Variants in NDUFA10 observed in about 807,000 individuals in gnomAD.
NDUFA10 encodes the protein NADH dehydrogenase [ubiquinone] 1 alpha subcomplex subunit 10, mitochondrial.
A neutral mutation model predicts 47.8 loss-of-function variants in NDUFA10; 40 were observed. The ratio of observed to expected loss-of-function variants is 0.84; its 90% CI spans 0.65 to 1.09. The LOEUF (loss-of-function observed/expected upper bound fraction) is 1.09. NDUFA10 is among the 50% of genes least tolerant of loss of function. The pLI, the probability that NDUFA10 is intolerant of heterozygous loss-of-function variation, is 0.00. For synonymous variants in NDUFA10, 183 were observed against 172.2 expected (o/e 1.06, Z -0.49); for missense variants, 413 against 451.1 (o/e 0.92, Z 0.76).
chr2:239,948,623 C>T (rs1002128743), intron 4 of NDUFA10, among the ~76,000 whole-genome samples: 5 of 152,216 alleles, frequency 3.3e-5, no homozygotes, highest in Non-Finnish European at 5.9e-5. Context: ...CGGTGGGACC[C>T]GGATCCTGAC....
chr2:239,900,191 G>A (rs927023957), intron 4 of NDUFA10, among the ~76,000 whole-genome samples: 2 of 152,070 alleles, frequency 1.3e-5, no homozygotes, highest in Non-Finnish European at 2.9e-5. Flanking sequence ...ACTGAAGGCT[G>A]TACTGTTGGC....
At chr2:239,893,974 TC>T (rs1434026322) in intron 5 of NDUFA10, among the ~76,000 whole-genome samples, 1 of 146,312 alleles carries the variant, frequency 6.8e-6, no homozygotes, top group Non-Finnish European at 1.5e-5. Context: ...CCAGCCTCAT[TC>T]CTTCTCCCTG....
intron 4 of NDUFA10, among the ~76,000 whole-genome samples, chr2:239,921,794 A>T (rs1480545490): frequency 2.0e-5 from 3 of 152,078 alleles, no homozygotes; most frequent in African/African-American, 7.2e-5. Flanking sequence ...GCCTCACGGA[A>T]CCAGGCTCAG....
intron 4 of NDUFA10, among the ~76,000 whole-genome samples, chr2:239,935,533 C>T (rs529252370): frequency 7.2e-5 from 11 of 152,232 alleles, no homozygotes; most frequent in African/African-American, 1.9e-4. Context: ...GAGTTGAGGA[C>T]GGGGACTCCC....
Position 239,928,291 on chromosome 2 carries a change from T to C in NDUFA10, c.295-32977A>G, listed in dbSNP as rs974316268. ...AAAATGTATACCTCAACTGCTTTCA[T>C]GTTTTCCAAGAAATAAAGGAGCACA... is the stretch of plus-strand genomic sequence containing the variant. On this transcript the variant is annotated intron_variant, in intron 4 of 5. Transcript: ENST00000419408. This position sits in a 1 kb window ranked among gnomAD's most constrained non-coding sequence, Gnocchi z 4.3. Among the ~76,000 whole-genome samples, 3 of 152,200 alleles carry C rather than the reference T, an allele frequency of 2.0e-5. No homozygotes were observed. The highest frequency in any genetic ancestry group is 6.5e-5 in the Admixed American group (1 of 15,286).
At chr2:239,954,347 G>A (rs116309090), downstream of NDUFA10, among the ~76,000 whole-genome samples, 1,442 of 152,366 alleles carry the variant, frequency 9.5e-3, 18 homozygotes, top group African/African-American at 0.032. Context: ...TCCCCCTGAC[G>A]GTCGGGCTGT....
At chr2:239,920,101 C>A (rs1011514340) in intron 4 of NDUFA10, among the ~76,000 whole-genome samples, 2 of 152,092 alleles carry the variant, frequency 1.3e-5, no homozygotes, top group Non-Finnish European at 2.9e-5. Flanking sequence ...GGAGGTGGGG[C>A]CTTTGGGAGG....
Position 239,957,647 on chromosome 2 carries a change from A to C in NDUFA10, c.*3471T>G, listed in dbSNP as rs577196714. ...ATTTGTCTTCCTATTAGAACCCTTA[A>C]ATCAGCCTCCTTCAAGCAAGCGCAG... On this transcript the variant is annotated 3_prime_UTR_variant, in exon 10 of 10. Coordinates refer to ENST00000252711, the MANE Select transcript of NDUFA10 (RefSeq NM_004544.4). The C allele has an allele frequency of 1.3e-5, 2 of 152,230 alleles. No individual in the cohort carries two copies. The highest frequency in any genetic ancestry group is 2.9e-5 in the Non-Finnish European group (2 of 68,054). 9.4% of individuals were successfully genotyped at this position (152,230 alleles called of 1,614,324 possible). A position where few individuals can be genotyped will look rare whatever the true frequency, so the allele number is the denominator to read the frequency against.
chr2:239,911,267 C>A (rs550280132), intron 4 of NDUFA10, among the ~76,000 whole-genome samples: 1 of 152,238 alleles, frequency 6.6e-6, no homozygotes, highest in South Asian at 2.1e-4. Flanking sequence ...AGGACTATCC[C>A]AGCCCCTAGG....
In NDUFA10 at chr2:239,973,577, C is replaced by G. The variant is rs1351827614; in HGVS notation, c.1000-12391G>C. ...CGATCAGCTTCAAGGAGGGAACGATCAGCTTCAAGGAGGGAACGATCAGCT... is the reference window on the plus strand; with the variant it reads ...CGATCAGCTTCAAGGAGGGAACGATGAGCTTCAAGGAGGGAACGATCAGCT... On this transcript the variant is annotated intron_variant, in intron 9 of 9. Transcript: ENST00000252711. 1.3e-5 allele frequency: 6 copies of G among 470,896 alleles called. No individual in the cohort carries two copies. In the East Asian group the frequency reaches 3.5e-4, roughly 27 times the overall value. The allele number at this position is 470,896 out of a possible 1,614,324, so 29.2% of individuals were successfully genotyped here. A position where few individuals can be genotyped will look rare whatever the true frequency, so the allele number is the denominator to read the frequency against.
chr2:239,979,228 C>G (rs77126660), intron 9 of NDUFA10, among the ~76,000 whole-genome samples: 2,004 of 152,298 alleles, frequency 0.013, 23 homozygotes, highest in Middle Eastern at 0.034. Flanking sequence ...TTGTTACAAA[C>G]GGCAAATTCC....
Position 240,014,457 on chromosome 2 carries a change from C to T in NDUFA10, c.669+282G>A, listed in dbSNP as rs2106486981. ...GATGGAGGACGCTCTGCCAGGAGGC[C>T]CTCACCAGCCTCCCAAGTTTAAACA... is the stretch of plus-strand genomic sequence containing the variant. On this transcript the variant is annotated intron_variant, in intron 5 of 9. Coordinates refer to ENST00000252711, the MANE Select transcript of NDUFA10 (RefSeq NM_004544.4). The T allele has an allele frequency of 6.4e-6, 3 of 466,210 alleles. No homozygotes were observed. The East Asian group carries it at 1.3e-4, about 20-fold the overall frequency. 28.9% of individuals were successfully genotyped at this position (466,210 alleles called of 1,614,324 possible).
chr2:239,953,462 G>A (rs1694596116), downstream of NDUFA10, among the ~76,000 whole-genome samples: 2 of 152,250 alleles, frequency 1.3e-5, no homozygotes, highest in African/African-American at 4.8e-5. Flanking sequence ...ACTGCTCCGC[G>A]TTGATCTGGG....
chr2:239,898,451 G>A (rs915899863), intron 4 of NDUFA10, among the ~76,000 whole-genome samples: 1 of 144,184 alleles, frequency 6.9e-6, no homozygotes, highest in Non-Finnish European at 1.5e-5. Flanking sequence ...TCAGCCCCCG[G>A]CCCACAAGTG....
intron 4 of NDUFA10, among the ~76,000 whole-genome samples, chr2:239,909,437 C>A (rs918246571): frequency 1.3e-5 from 2 of 152,132 alleles, no homozygotes; most frequent in African/African-American, 4.8e-5. Context: ...ATAGTGAAAC[C>A]CCGTCTCTAC....
At chr2:239,990,329 GCAAAGCCTTCCT>G (rs1696193604) in intron 8 of NDUFA10, 147 bp from the exon 9 acceptor site, 2 of 705,192 alleles carry the variant, frequency 2.8e-6, no homozygotes, top group Admixed American at 4.2e-5. Flanking sequence ...CATCCCAGCA[GCAAAGCCTTCCT>G]CCCAAAGACC....
At chr2:239,966,126 G>A (rs1175380522) in intron 9 of NDUFA10, among the ~76,000 whole-genome samples, 2 of 152,234 alleles carry the variant, frequency 1.3e-5, no homozygotes, top group African/African-American at 2.4e-5. Flanking sequence ...GTCCCTGGTG[G>A]CCCACCGGGA....
intron 4 of NDUFA10, 179 bp downstream of exon 4, chr2:240,018,374 G>T: frequency 6.6e-7 from 1 of 1,523,044 alleles, no homozygotes; most frequent in Non-Finnish European, 8.9e-7. Context: ...TATTTCAGGA[G>T]GGAGAAAGGG....
rs541253813 is a variant in NDUFA10 at position 239,959,554 on chromosome 2, C to T, written c.*1564G>A. 1.0e-6 allele frequency: 1 copy of T among 985,476 alleles called. No individual in the cohort carries two copies. Among genetic ancestry groups the T allele is most frequent in the East Asian group, 1.1e-4 (1 of 8,816 alleles). 61.0% of individuals were successfully genotyped at this position (985,476 alleles called of 1,614,324 possible). ...GGTTTCCTAGTGAAATGCAAAACTT[C>T]AGCCACTTAAATCTCGACTCCAATT... On this transcript the variant is annotated 3_prime_UTR_variant, in exon 10 of 10. Coordinates refer to ENST00000252711, the MANE Select transcript of NDUFA10 (RefSeq NM_004544.4).
Sources: gnomAD v4.1 joint callset for allele counts (sites outside exome capture counted in the v4.1 genomes callset) on GRCh38, gnomAD v4.1.1 for gene constraint, Gnocchi (gnomAD v3.1) non-coding constraint, MANE v1.5 for transcripts, NCBI Gene and HGNC (gene_info 2026-07-23, HGNC 2026-07-21) for gene names.